Variants in SOX5 observed in about 807,000 individuals in gnomAD.
The protein encoded by SOX5 is transcription factor SOX-5.
In SOX5, 9 loss-of-function variants were observed where a neutral mutation model predicts 92.0. That is an observed-to-expected ratio of 0.10 (90% CI 0.06 to 0.17). SOX5 has a LOEUF of 0.17. Ranked by LOEUF, SOX5 falls within the 10% of genes least tolerant of loss-of-function variation. The pLI, the probability that SOX5 is intolerant of heterozygous loss-of-function variation, is 1.00. For synonymous variants in SOX5, 344 were observed against 336.3 expected (o/e 1.02, Z -0.25); for missense variants, 642 against 944.5 (o/e 0.68, Z 4.20).
chr12:23,649,221 T>G (rs1481984410), intron 7 of SOX5, among the ~76,000 whole-genome samples: 2 of 151,762 alleles, frequency 1.3e-5, no homozygotes, highest in African/African-American at 2.4e-5. Context: ...CTACAAAGCT[T>G]CACAAACAAG....
intron 1 of SOX5, among the ~76,000 whole-genome samples, chr12:23,929,372 A>G (rs1940858966): frequency 6.6e-6 from 1 of 152,014 alleles, no homozygotes; most frequent in South Asian, 2.1e-4. Flanking sequence ...TTGCTTCATT[A>G]TCTCCCACCC....
At chr12:23,986,226 C>A (rs964581295) in intron 4 of SOX5, among the ~76,000 whole-genome samples, 1 of 152,048 alleles carries the variant, frequency 6.6e-6, no homozygotes, top group Non-Finnish European at 1.5e-5. Flanking sequence ...CTTTAACTGG[C>A]ATTGTAAACT....
intron 4 of SOX5, among the ~76,000 whole-genome samples, chr12:24,160,746 C>A (rs1461093937): frequency 6.6e-6 from 1 of 152,004 alleles, no homozygotes; most frequent in Non-Finnish European, 1.5e-5. Context: ...CCAAACTGAA[C>A]TGACCACACA....
At chr12:23,646,459 G>A (rs959355052) in intron 7 of SOX5, among the ~76,000 whole-genome samples, 6 of 152,246 alleles carry the variant, frequency 3.9e-5, no homozygotes, top group African/African-American at 1.2e-4. Context: ...GAGCCACCGC[G>A]CCTGGTGGGA....
intron 2 of SOX5, among the ~76,000 whole-genome samples, chr12:24,365,617 T>C (rs1190581659): frequency 1.4e-5 from 2 of 142,832 alleles, no homozygotes; most frequent in Non-Finnish European, 3.1e-5. Context: ...AATCAGCTAA[T>C]CTGCACAAAA....
chr12:23,876,544 T>C (rs780131131), intron 2 of SOX5, among the ~76,000 whole-genome samples: 3 of 152,200 alleles, frequency 2.0e-5, no homozygotes, highest in Admixed American at 1.3e-4. Flanking sequence ...TATAAATTAG[T>C]TCAACCATTG....
At chr12:23,570,974 TATATATATA>T (rs1565916653) in intron 10 of SOX5, among the ~76,000 whole-genome samples, 26 of 115,790 alleles carry the variant, frequency 2.2e-4, no homozygotes, top group Non-Finnish European at 3.6e-4. Context: ...TATATATATA[TATATATATA>T]TTTTCATATT....
chr12:23,660,811 C>CTTA (rs1005885451), intron 7 of SOX5, among the ~76,000 whole-genome samples: 42 of 152,050 alleles, frequency 2.8e-4, no homozygotes, highest in African/African-American at 8.9e-4. Flanking sequence ...TCATGGGACT[C>CTTA]TTAAAAACAA....
intron 4 of SOX5, among the ~76,000 whole-genome samples, chr12:24,093,512 G>C (rs1944925929): frequency 6.8e-6 from 1 of 147,496 alleles, no homozygotes; most frequent in Admixed American, 6.8e-5. Context: ...GACAGGGCAA[G>C]ACTCCGTCTC....
chr12:24,106,130 G>T (rs1478355771), intron 4 of SOX5, among the ~76,000 whole-genome samples: 1 of 149,372 alleles, frequency 6.7e-6, no homozygotes, highest in Admixed American at 6.7e-5. Flanking sequence ...AAAATGAAAA[G>T]ACAAGTCAAG....
At chr12:24,132,876 C>A (rs1277014641) in intron 4 of SOX5, among the ~76,000 whole-genome samples, 2 of 152,148 alleles carry the variant, frequency 1.3e-5, no homozygotes, top group Non-Finnish European at 2.9e-5. Flanking sequence ...TTTACACATA[C>A]ATCTAATTAC....
intron 2 of SOX5, among the ~76,000 whole-genome samples, chr12:24,295,071 C>T (rs908931106): frequency 4.6e-5 from 7 of 151,136 alleles, no homozygotes; most frequent in South Asian, 2.1e-4. Context: ...ATATATAGAA[C>T]GTATTTATCA....
At chr12:23,895,688 T>A in intron 2 of SOX5, 105 bp downstream of exon 2, 1 of 752,268 alleles carries the variant, frequency 1.3e-6, no homozygotes, top group Non-Finnish European at 2.3e-6. Flanking sequence ...GTGCATGGGT[T>A]CTTAAGTAGA....
At chr12:24,001,904 C>CAGTGATCAA (rs1271331848) in intron 4 of SOX5, among the ~76,000 whole-genome samples, 4 of 152,038 alleles carry the variant, frequency 2.6e-5, no homozygotes, top group Admixed American at 2.6e-4. Flanking sequence ...TTCAAAGTTG[C>CAGTGATCAA]AGTAAGCTAT....
At chr12:24,546,627 T>C (rs1176978714) in intron 1 of SOX5, among the ~76,000 whole-genome samples, 1 of 152,236 alleles carries the variant, frequency 6.6e-6, no homozygotes, top group African/African-American at 2.4e-5. Context: ...CTTGCCTTGC[T>C]TAGCTGAACT....
chr12:24,314,868 T>C lies in SOX5; in HGVS notation c.-173-37556A>G, dbSNP rs549220574. 1.1e-4 allele frequency among the ~76,000 whole-genome samples: 17 copies of C among 152,336 alleles called. No homozygotes were observed. In the South Asian group the frequency reaches 2.7e-3, roughly 24 times the overall value. On this transcript the variant is annotated intron_variant, in intron 2 of 4. Coordinates refer to the SOX5 transcript ENST00000446891. ...CTCATTATATCCTTGGTACACAGAA[T>C]TGTGCCTAGAACCTAGTTGGCAGAG... is the stretch of plus-strand genomic sequence containing the variant.
At chr12:24,282,016 A>G (rs941583918) in intron 2 of SOX5, among the ~76,000 whole-genome samples, 6 of 152,194 alleles carry the variant, frequency 3.9e-5, no homozygotes, top group African/African-American at 1.4e-4. Context: ...AGAGATTTGT[A>G]AGAATATTCA....
intron 4 of SOX5, among the ~76,000 whole-genome samples, chr12:24,054,422 T>C (rs1196919859): frequency 1.3e-5 from 2 of 152,188 alleles, no homozygotes; most frequent in Admixed American, 6.5e-5. Flanking sequence ...ACACGCCCAC[T>C]TGGGAGTTCC....
intron 11 of SOX5, among the ~76,000 whole-genome samples, chr12:23,552,820 A>G (rs1005573024): frequency 1.3e-5 from 2 of 151,988 alleles, no homozygotes; most frequent in Non-Finnish European, 2.9e-5. Flanking sequence ...CAGATACTGA[A>G]GAAGCAATTC....
Sources: gnomAD v4.1 joint callset for allele counts (sites outside exome capture counted in the v4.1 genomes callset) on GRCh38, gnomAD v4.1.1 for gene constraint, MANE v1.5 for transcripts, NCBI Gene and HGNC (gene_info 2026-07-23, HGNC 2026-07-21) for gene names.